The following RTN1 variants were observed in gnomAD, a reference collection of about 807,000 sequenced individuals.
RTN1 encodes reticulon 1.
Under a neutral mutation model 65.5 loss-of-function variants are expected in RTN1, and 25 were observed. The ratio of observed to expected loss-of-function variants is 0.38; its 90% CI spans 0.28 to 0.53. RTN1 has a LOEUF of 0.53. Among genes scored for constraint, RTN1 ranks in the 20% least tolerant of loss-of-function variants. RTN1 has a pLI of 0.79. For synonymous variants in RTN1, 471 were observed against 447.6 expected (o/e 1.05, Z -0.66); for missense variants, 983 against 1,025.4 (o/e 0.96, Z 0.57).
chr14:59,674,982 G>A (rs1883591693), intron 3 of RTN1, among the ~76,000 whole-genome samples: 1 of 151,800 alleles, frequency 6.6e-6, no homozygotes, highest in Non-Finnish European at 1.5e-5. Flanking sequence ...ATCTCCTCTA[G>A]GTGCTGGACT....
intron 3 of RTN1, among the ~76,000 whole-genome samples, chr14:59,670,371 G>C (rs1883476868): frequency 6.6e-6 from 1 of 152,174 alleles, no homozygotes; most frequent in African/African-American, 2.4e-5. Context: ...GAAAGCCCAG[G>C]AAGCTGCTGA....
intron 2 of RTN1, among the ~76,000 whole-genome samples, chr14:59,734,324 CT>C (rs1382417872): frequency 6.6e-6 from 1 of 152,164 alleles, no homozygotes; most frequent in Admixed American, 6.5e-5. Flanking sequence ...TAGAGTGTCC[CT>C]TTTCCTTCAA....
chr14:59,834,016 T>C (rs1397250437), intron 1 of RTN1, among the ~76,000 whole-genome samples: 1 of 152,114 alleles, frequency 6.6e-6, no homozygotes, highest in South Asian at 2.1e-4. Flanking sequence ...TGCCTAAAGA[T>C]AGATAGAAAG....
intron 3 of RTN1, among the ~76,000 whole-genome samples, chr14:59,705,883 G>A (rs1302862580): frequency 6.6e-6 from 1 of 152,108 alleles, no homozygotes; most frequent in African/African-American, 2.4e-5. Flanking sequence ...TTTGAACAAA[G>A]GAGGCTGAAA....
intron 3 of RTN1, among the ~76,000 whole-genome samples, chr14:59,608,014 C>T (rs1368986375): frequency 6.6e-6 from 1 of 152,064 alleles, no homozygotes; most frequent in East Asian, 1.9e-4. Context: ...GAAATGAAAC[C>T]TTTAAAATCT....
intron 1 of RTN1, among the ~76,000 whole-genome samples, chr14:59,768,632 T>C (rs949554244): frequency 1.3e-5 from 2 of 152,162 alleles, no homozygotes; most frequent in African/African-American, 4.8e-5. Context: ...GAGGGGAGGC[T>C]TAGCCCTGGG....
intron 3 of RTN1, among the ~76,000 whole-genome samples, chr14:59,609,280 G>A (rs1192997667): frequency 1.5e-5 from 2 of 133,038 alleles, no homozygotes; most frequent in African/African-American, 2.9e-5. Context: ...GCGAAACTCT[G>A]TCTCCAAAAA....
chr14:59,771,666 C>T (rs998586952), intron 1 of RTN1, among the ~76,000 whole-genome samples: 4 of 152,156 alleles, frequency 2.6e-5, no homozygotes, highest in Admixed American at 6.5e-5. Flanking sequence ...ATTCTTTCAC[C>T]GAGGCTGTAT....
At chr14:59,820,870 T>C (rs949558889) in intron 1 of RTN1, among the ~76,000 whole-genome samples, 1 of 152,212 alleles carries the variant, frequency 6.6e-6, no homozygotes, top group African/African-American at 2.4e-5. Context: ...CATTAGTCTG[T>C]GTCTGTTTTT....
intron 3 of RTN1, among the ~76,000 whole-genome samples, chr14:59,617,067 C>T (rs1281130582): frequency 2.0e-5 from 3 of 152,170 alleles, no homozygotes; most frequent in Admixed American, 1.3e-4. Flanking sequence ...AGTGTAATAA[C>T]AATCTGTTTT....
intron 4 of RTN1, 58 bp downstream of exon 4, chr14:59,607,227 C>G: frequency 6.7e-7 from 1 of 1,483,216 alleles, no homozygotes; most frequent in Non-Finnish European, 9.3e-7. Flanking sequence ...AGCTGAAATA[C>G]AGGTGAGGGT....
intron 1 of RTN1, among the ~76,000 whole-genome samples, chr14:59,852,057 G>A (rs1887518734): frequency 6.6e-6 from 1 of 152,102 alleles, no homozygotes; most frequent in Non-Finnish European, 1.5e-5. Context: ...TAAACTCACA[G>A]AAGTTCAATT....
At chr14:59,750,773 G>T (rs1233599694) in intron 1 of RTN1, among the ~76,000 whole-genome samples, 1 of 121,172 alleles carries the variant, frequency 8.3e-6, no homozygotes, top group Non-Finnish European at 1.6e-5. Context: ...AGTGCAGTGT[G>T]GCATGATCTT....
At chr14:59,699,992 A>G (rs1464561667) in intron 3 of RTN1, among the ~76,000 whole-genome samples, 1 of 152,186 alleles carries the variant, frequency 6.6e-6, no homozygotes, top group African/African-American at 2.4e-5. Flanking sequence ...AACATTTTTC[A>G]GCTTTGTTGG....
At chr14:59,691,412 A>G (rs1441538515) in intron 3 of RTN1, among the ~76,000 whole-genome samples, 1 of 152,204 alleles carries the variant, frequency 6.6e-6, no homozygotes, top group Non-Finnish European at 1.5e-5. Flanking sequence ...GAATACACCA[A>G]TATCAAGTTC....
At chr14:59,842,411 C>T (rs1271112045) in intron 1 of RTN1, among the ~76,000 whole-genome samples, 1 of 152,020 alleles carries the variant, frequency 6.6e-6, no homozygotes, top group East Asian at 1.9e-4. Flanking sequence ...CTAGAACAGC[C>T]TTCATGAACT....
chr14:59,657,654 C>T (rs1308592662), intron 3 of RTN1, among the ~76,000 whole-genome samples: 1 of 152,290 alleles, frequency 6.6e-6, no homozygotes, highest in East Asian at 1.9e-4. Flanking sequence ...AGGGAACTCC[C>T]TCCCCTAGCC....
intron 3 of RTN1, among the ~76,000 whole-genome samples, chr14:59,616,423 T>C (rs1271379151): frequency 6.6e-6 from 1 of 152,204 alleles, no homozygotes; most frequent in African/African-American, 2.4e-5. Flanking sequence ...CAGGTGCTCT[T>C]AAATGCAGGA....
intron 3 of RTN1, among the ~76,000 whole-genome samples, chr14:59,647,684 C>A (rs537296098): frequency 6.6e-6 from 1 of 152,290 alleles, no homozygotes; most frequent in Non-Finnish European, 1.5e-5. Flanking sequence ...TCCTGAATGG[C>A]TTTTGGGTAA....
Sources: allele counts gnomAD v4.1 joint callset (sites outside exome capture counted in the v4.1 genomes callset), GRCh38; gene constraint gnomAD v4.1.1; transcripts MANE v1.5; gene names NCBI Gene and HGNC (gene_info 2026-07-23, HGNC 2026-07-21).